The following ZNF260 variants were observed in gnomAD, a reference collection of about 807,000 sequenced individuals.
ZNF260 encodes the protein zinc finger protein 260.
A neutral mutation model predicts 29.3 loss-of-function variants in ZNF260; 21 were observed. That is an observed-to-expected ratio of 0.72 (90% CI 0.51 to 1.03). ZNF260 has a LOEUF of 1.03. Among genes scored for constraint, ZNF260 ranks in the 50% least tolerant of loss-of-function variants. The probability of loss-of-function intolerance (pLI) is 0.00; values close to 1 mark genes in which losing one functional copy is unlikely to be tolerated. For synonymous variants in ZNF260, 156 were observed against 156.8 expected, an observed-to-expected ratio of 0.99 and a Z score of 0.04; for missense variants, 465 against 487.8, an observed-to-expected ratio of 0.95 and a Z score of 0.44.
rs949935953 is a variant in ZNF260, at chr19:36,512,364, G to A, written c.*1636C>T. On this transcript the variant is annotated 3_prime_UTR_variant, in exon 3 of 3. Transcript: ENST00000523638. ...TTTCAGAAGTTTAAGGAAATAAATAGCACGAATGATAGAATGAACACAAAT... is the reference window on the plus strand; with the variant it reads ...TTTCAGAAGTTTAAGGAAATAAATAACACGAATGATAGAATGAACACAAAT... 1 of 152,216 alleles carries A rather than the reference G, an allele frequency of 6.6e-6. No individual in the cohort carries two copies. The highest frequency in any genetic ancestry group is 2.4e-5 in the African/African-American group (1 of 41,542). 9.4% of individuals were successfully genotyped at this position (152,216 alleles called of 1,614,324 possible).
At position 36,514,140 on chromosome 19, in the gene ZNF260, T is replaced by TC; in HGVS notation, c.1098dup (p.Lys367GlufsTer19). 6.2e-7 allele frequency: 1 copy of TC among 1,614,134 alleles called. No homozygotes were observed. Among genetic ancestry groups the TC allele is most frequent in the Admixed American group, 1.7e-5 (1 of 60,022 alleles). On this transcript the variant is annotated frameshift_variant, in exon 3 of 3. Transcript: ENST00000523638. LOFTEE classifies it high-confidence loss of function. ...AGGGTTGAGAACTGAGAAAAGGCTT[T>TC]CCCACATTCATTACAACCATAGGGT... is the stretch of plus-strand genomic sequence containing the variant.
chr19:36,524,369 C>T (rs1464077987), intron 2 of ZNF260, among the ~76,000 whole-genome samples: 19 of 151,626 alleles, frequency 1.3e-4, no homozygotes, highest in African/African-American at 4.6e-4. Context: ...TTAGTAAAGA[C>T]GGGGTTTCAC....
intron 2 of ZNF260, among the ~76,000 whole-genome samples, chr19:36,519,341 A>G (rs1200753089): frequency 6.6e-6 from 1 of 152,232 alleles, no homozygotes; most frequent in Non-Finnish European, 1.5e-5. Flanking sequence ...AACAATGCTT[A>G]CAGTGTTATA....
chr19:36,518,837 T>C (rs998984105), intron 2 of ZNF260, among the ~76,000 whole-genome samples: 5 of 152,140 alleles, frequency 3.3e-5, no homozygotes, highest in African/African-American at 9.7e-5. Context: ...AGGATCCTAG[T>C]TTGAGACCGG....
chr19:36,525,374 C>T lies in ZNF260; in HGVS notation c.-680-1G>A, dbSNP rs935043663. 1 of 152,204 alleles carries T rather than the reference C, an allele frequency of 6.6e-6. No homozygotes were observed. The highest frequency in any genetic ancestry group is 1.5e-5 in the Non-Finnish European group (1 of 68,060). 9.4% of individuals were successfully genotyped at this position (152,204 alleles called of 1,614,324 possible). On this transcript the variant is annotated splice_acceptor_variant, in intron 1 of 2. Coordinates refer to ENST00000523638, the MANE Select transcript of ZNF260 (RefSeq NM_001166037.2). LOFTEE classifies it low-confidence loss of function (5UTR_SPLICE). ...CCTGTGGATATACAAGGAAGCAGGC[C>T]TGTGAAAAAGAACAAAGTAATGATG...
At position 36,512,942 on chromosome 19, in the gene ZNF260, C is replaced by T. The variant is rs958340237; in HGVS notation, c.*1058G>A. The stretch of plus-strand genomic sequence containing the variant: ...TATAGTAGTTCCCCCTTATCCACAG[C>T]TTTGCTTTCCATGGTTTCAGTTACC... On this transcript the variant is annotated 3_prime_UTR_variant, in exon 3 of 3. Transcript: ENST00000523638. 6.6e-6 allele frequency: 1 copy of T among 152,136 alleles called. No homozygotes were observed. The highest frequency in any genetic ancestry group is 1.5e-5 in the Non-Finnish European group (1 of 68,040). The allele number at this position is 152,136 out of a possible 1,614,324, so 9.4% of individuals were successfully genotyped here.
rs573776518 is a variant in ZNF260, at chr19:36,528,220, G to C, written c.-682C>G. The C allele has an allele frequency of 1.1e-5, 1 of 93,558 alleles. No homozygotes were observed. The highest frequency in any genetic ancestry group is 3.0e-4 in the South Asian group (1 of 3,282). 5.8% of individuals were successfully genotyped at this position (93,558 alleles called of 1,614,324 possible). On this transcript the variant is annotated splice_region_variant and 5_prime_UTR_variant, in exon 1 of 3. Coordinates refer to ENST00000523638, the MANE Select transcript of ZNF260 (RefSeq NM_001166037.2). The stretch of plus-strand genomic sequence containing the variant: ...CCACAGGGCCGAAACCCAACTCACC[G>C]GCAGACAAAGACGACCATGGCAAGT...
rs899251360 is a variant in ZNF260, at chr19:36,513,753, A to C, written c.*247T>G. The C allele has an allele frequency of 1.9e-6, 1 of 532,126 alleles. No individual in the cohort carries two copies. Among genetic ancestry groups the C allele is most frequent in the Non-Finnish European group, 3.3e-6 (1 of 302,290 alleles). The allele number at this position is 532,126 out of a possible 1,614,324, so 33.0% of individuals were successfully genotyped here. A position where few individuals can be genotyped will look rare whatever the true frequency, so the allele number is the denominator to read the frequency against. ...AACACATTAAGTAGTGTCCATGACT[A>C]GATCCTAACTTTAATGAGTATACTC... On this transcript the variant is annotated 3_prime_UTR_variant, in exon 3 of 3. Coordinates refer to ENST00000523638, the MANE Select transcript of ZNF260 (RefSeq NM_001166037.2).
chr19:36,515,083 C>T lies in ZNF260; in HGVS notation c.156G>A (p.Glu52=), dbSNP rs1176016995. Residue 52 remains glutamate, a synonymous_variant, in exon 3 of 3, where the codon GAG becomes GAA. Coordinates refer to ENST00000523638, the MANE Select transcript of ZNF260 (RefSeq NM_001166037.2). Reference sequence around the variant, plus strand: ...CACATTCAGTGCATTCATGAGATTTCTCTCCAGTATGCATTTTCTTATGCT... The same window carrying T: ...CACATTCAGTGCATTCATGAGATTTTTCTCCAGTATGCATTTTCTTATGCT... ...LVEHKKMHTG[E]KSHECTECGK... 5.6e-6 allele frequency: 9 copies of T among 1,614,112 alleles called. No individual in the cohort carries two copies. The highest frequency in any genetic ancestry group is 7.6e-6 in the Non-Finnish European group (9 of 1,180,010).
At position 36,518,097 on chromosome 19, in the gene ZNF260, G is replaced by A. The variant is rs542327438; in HGVS notation, c.-461-2398C>T. 3 of 152,176 alleles carry A rather than the reference G, an allele frequency of 2.0e-5. No homozygotes were observed. In the Middle Eastern group the frequency reaches 0.01, roughly 518 times the overall value. 9.4% of individuals were successfully genotyped at this position (152,176 alleles called of 1,614,324 possible). A position where few individuals can be genotyped will look rare whatever the true frequency, so the allele number is the denominator to read the frequency against. Reference sequence around the variant, plus strand: ...ACCCGCCTTGGCCTCCCAAAGTGCTGGGAATACAGCCATGAGCCACCGCAC... The same window carrying A: ...ACCCGCCTTGGCCTCCCAAAGTGCTAGGAATACAGCCATGAGCCACCGCAC... On this transcript the variant is annotated intron_variant, in intron 2 of 2. Coordinates refer to ENST00000523638, the MANE Select transcript of ZNF260 (RefSeq NM_001166037.2).
At position 36,514,896 on chromosome 19, in the gene ZNF260, T is replaced by A; in HGVS notation, c.343A>T (p.Lys115Ter). 1 of 1,613,896 alleles carries A rather than the reference T, an allele frequency of 6.2e-7. No homozygotes were observed. The highest frequency in any genetic ancestry group is 8.5e-7 in the Non-Finnish European group (1 of 1,179,972). ...HTGEKPYECE[K>*]VSIQMPTIIR... ...ATGGTTGGCATCTGAATAGAAACTT[T>A]TTCACATTCATAAGGTTTCTCTCCA... Residue 115 changes from lysine to a stop codon, truncating the protein, a stop_gained, in exon 3 of 3, where the codon AAA becomes TAA. Coordinates refer to ENST00000523638, the MANE Select transcript of ZNF260 (RefSeq NM_001166037.2). LOFTEE classifies it high-confidence loss of function.
intron 2 of ZNF260, among the ~76,000 whole-genome samples, chr19:36,516,781 C>T (rs1018643167): frequency 2.0e-5 from 3 of 152,020 alleles, no homozygotes; most frequent in African/African-American, 4.8e-5. Flanking sequence ...GGTTTCACCA[C>T]GTTGGCCAGG....
rs2034476261 is a variant in ZNF260 at position 36,512,953 on chromosome 19, A to G, written c.*1047T>C. 1 of 152,158 alleles carries G rather than the reference A, an allele frequency of 6.6e-6. No homozygotes were observed. Among genetic ancestry groups the G allele is most frequent in the Non-Finnish European group, 1.5e-5 (1 of 68,024 alleles). 9.4% of individuals were successfully genotyped at this position (152,158 alleles called of 1,614,324 possible). On this transcript the variant is annotated 3_prime_UTR_variant, in exon 3 of 3. Coordinates refer to ENST00000523638, the MANE Select transcript of ZNF260 (RefSeq NM_001166037.2). ...CCCCTTATCCACAGCTTTGCTTTCC[A>G]TGGTTTCAGTTACCTGTAGTCACCA...
intron 2 of ZNF260, among the ~76,000 whole-genome samples, chr19:36,519,002 C>T (rs181532734): frequency 7.9e-4 from 119 of 151,278 alleles, no homozygotes; most frequent in Admixed American, 2.7e-3. Flanking sequence ...TACTGAACTC[C>T]GGCTTGGGCA....
chr19:36,522,314 G>A (rs1329836840), intron 2 of ZNF260, among the ~76,000 whole-genome samples: 3 of 151,480 alleles, frequency 2.0e-5, no homozygotes, highest in African/African-American at 7.3e-5. Context: ...AAATTAGCTG[G>A]GCGTGGTGAC....
Position 36,513,899 on chromosome 19 carries a change from C to CCACATTCATGT in ZNF260, c.*90_*100dup. ...TTTTGAATTGCTGCTGAAGGACTTC[C>CCACATTCATGT]CACATTCATGTCACTTTAATGTAAA... On this transcript the variant is annotated 3_prime_UTR_variant, in exon 3 of 3. Transcript: ENST00000523638. The CCACATTCATGT allele has an allele frequency of 3.8e-6, 5 of 1,317,596 alleles. No individual in the cohort carries two copies. The highest frequency in any genetic ancestry group is 5.2e-6 in the Non-Finnish European group (5 of 958,122). The allele number at this position is 1,317,596 out of a possible 1,614,324, so 81.6% of individuals were successfully genotyped here.
At position 36,512,498 on chromosome 19, in the gene ZNF260, AT is replaced by A. The variant is rs2034467623; in HGVS notation, c.*1501del. 1 of 152,116 alleles carries A rather than the reference AT, an allele frequency of 6.6e-6. No individual in the cohort carries two copies. The highest frequency in any genetic ancestry group is 2.4e-5 in the African/African-American group (1 of 41,440). The allele number at this position is 152,116 out of a possible 1,614,324, so 9.4% of individuals were successfully genotyped here. A position where few individuals can be genotyped will look rare whatever the true frequency, so the allele number is the denominator to read the frequency against. The stretch of plus-strand genomic sequence containing the variant: ...TCCTTTAACTACCATGCTTGGTAAC[AT>A]TTCCCTTCCACCTCCTTTCTTCCTA... On this transcript the variant is annotated 3_prime_UTR_variant, in exon 3 of 3. Coordinates refer to ENST00000523638, the MANE Select transcript of ZNF260 (RefSeq NM_001166037.2).
Position 36,513,656 on chromosome 19 carries a change from A to G in ZNF260, c.*344T>C. ...TGTAGCAAAACATCACAAAAATGAT[A>G]ATTTTGTCTCTTAATTTCAAATCCT... On this transcript the variant is annotated 3_prime_UTR_variant, in exon 3 of 3. Coordinates refer to ENST00000523638, the MANE Select transcript of ZNF260 (RefSeq NM_001166037.2). The G allele has an allele frequency of 2.4e-6, 1 of 416,032 alleles. No homozygotes were observed. The allele number at this position is 416,032 out of a possible 1,614,324, so 25.8% of individuals were successfully genotyped here.
intron 2 of ZNF260, among the ~76,000 whole-genome samples, chr19:36,520,950 C>T (rs1052684911): frequency 1.5e-4 from 23 of 150,180 alleles, no homozygotes; most frequent in African/African-American, 5.6e-4. Context: ...GGCGTAGTGG[C>T]AGGTGCCTGT....
Sources: allele counts gnomAD v4.1 joint callset (sites outside exome capture counted in the v4.1 genomes callset), GRCh38; gene constraint gnomAD v4.1.1; transcripts MANE v1.5; gene names NCBI Gene and HGNC (gene_info 2026-07-23, HGNC 2026-07-21).